The following CNTNAP2 variants were observed in gnomAD, a reference collection of about 807,000 sequenced individuals.
CNTNAP2 encodes the protein contactin associated protein 2.
A neutral mutation model predicts 155.2 loss-of-function variants in CNTNAP2; 98 were observed. The ratio of observed to expected loss-of-function variants is 0.63; its 90% confidence interval spans 0.54 to 0.75. The LOEUF (loss-of-function observed/expected upper bound fraction) is 0.75, where lower values mean the gene tolerates loss of function less well. CNTNAP2 is among the 30% of genes least tolerant of loss of function. The pLI, the probability that CNTNAP2 is intolerant of heterozygous loss-of-function variation, is 0.00. For missense variants in CNTNAP2, 1,727 were observed against 1,688.1 expected (o/e 1.02, Z -0.40); for synonymous variants, 651 against 631.2 (o/e 1.03, Z -0.47).
chr7:147,580,292 A>G (rs1397622576), intron 12 of CNTNAP2, among the ~76,000 whole-genome samples: 2 of 152,266 alleles, frequency 1.3e-5, no homozygotes, highest in East Asian at 3.9e-4. Context: ...TCTCTGTGCA[A>G]CCCTGCCGTC....
intron 3 of CNTNAP2, among the ~76,000 whole-genome samples, chr7:147,006,772 C>T (rs1360014311): frequency 1.3e-5 from 2 of 152,060 alleles, no homozygotes; most frequent in East Asian, 3.9e-4. Context: ...TGTCATTTTA[C>T]TATGTTTCCT....
At chr7:147,612,126 G>A (rs184691552) in intron 12 of CNTNAP2, among the ~76,000 whole-genome samples, 1 of 152,130 alleles carries the variant, frequency 6.6e-6, no homozygotes, top group East Asian at 1.9e-4. Flanking sequence ...TTGCCTGAAT[G>A]TTTTCTAAAC....
intron 13 of CNTNAP2, among the ~76,000 whole-genome samples, chr7:147,687,457 T>G (rs1796029727): frequency 6.6e-6 from 1 of 152,042 alleles, no homozygotes; most frequent in Admixed American, 6.6e-5. Context: ...TGAGAAAGTG[T>G]AGAAGCTTAA....
At chr7:147,791,070 T>C (rs28397826) in intron 13 of CNTNAP2, among the ~76,000 whole-genome samples, 14,454 of 152,268 alleles carry the variant, frequency 0.095, 813 homozygotes, top group East Asian at 0.2. Context: ...TCATCTGTTA[T>C]TTCTAGTTGC....
chr7:147,255,338 C>T (rs937577869), intron 8 of CNTNAP2, among the ~76,000 whole-genome samples: 1 of 152,160 alleles, frequency 6.6e-6, no homozygotes. Context: ...CTTCCCACCT[C>T]AGCCTCCCAA....
At chr7:148,122,711 G>A (rs922758798) in intron 16 of CNTNAP2, among the ~76,000 whole-genome samples, 1 of 152,112 alleles carries the variant, frequency 6.6e-6, no homozygotes, top group African/African-American at 2.4e-5. Context: ...AGCCATGGGA[G>A]CCTCTGTTAA....
chr7:147,922,216 G>T (rs199793905), intron 14 of CNTNAP2, among the ~76,000 whole-genome samples: 1 of 152,184 alleles, frequency 6.6e-6, no homozygotes, highest in Non-Finnish European at 1.5e-5. Flanking sequence ...TTTAGAGAAA[G>T]AAAAATCACA....
intron 10 of CNTNAP2, among the ~76,000 whole-genome samples, chr7:147,428,900 C>A (rs115504378): frequency 2.5e-3 from 375 of 152,074 alleles, no homozygotes; most frequent in African/African-American, 8.6e-3. Flanking sequence ...ACAGTACACC[C>A]AGTGTGTAGT....
intron 9 of CNTNAP2, among the ~76,000 whole-genome samples, chr7:147,311,722 C>G (rs974448164): frequency 2.0e-5 from 3 of 151,868 alleles, no homozygotes; most frequent in African/African-American, 4.8e-5. Flanking sequence ...TTTTCCCCAA[C>G]AAAGTTGATA....
chr7:147,914,873 A>G (rs1266457450), intron 14 of CNTNAP2, among the ~76,000 whole-genome samples: 1 of 152,156 alleles, frequency 6.6e-6, no homozygotes, highest in African/African-American at 2.4e-5. Flanking sequence ...TAATGTGTAT[A>G]ATCCATAACC....
At chr7:148,011,424 C>A (rs1802079051) in intron 15 of CNTNAP2, among the ~76,000 whole-genome samples, 1 of 152,118 alleles carries the variant, frequency 6.6e-6, no homozygotes, top group Admixed American at 6.6e-5. Flanking sequence ...GTTTTCATTT[C>A]TTTTGGTCTG....
intron 8 of CNTNAP2, among the ~76,000 whole-genome samples, chr7:147,137,954 C>A (rs1801521518): frequency 6.6e-6 from 1 of 151,618 alleles, no homozygotes; most frequent in African/African-American, 2.4e-5. Flanking sequence ...AAAACTATTG[C>A]TAGCTATCAG....
chr7:146,338,728 T>C (rs928369782), intron 1 of CNTNAP2, among the ~76,000 whole-genome samples: 2 of 152,162 alleles, frequency 1.3e-5, no homozygotes, highest in African/African-American at 4.8e-5. Context: ...TAAACAGAAC[T>C]TCTTTTTTTT....
chr7:146,845,520 T>C (rs762561936), intron 3 of CNTNAP2, among the ~76,000 whole-genome samples: 4 of 152,222 alleles, frequency 2.6e-5, no homozygotes, highest in African/African-American at 4.8e-5. Flanking sequence ...GTGTCATCAA[T>C]TCCCAATTTT....
At chr7:146,528,092 C>T (rs766495418) in intron 1 of CNTNAP2, among the ~76,000 whole-genome samples, 19 of 152,132 alleles carry the variant, frequency 1.2e-4, no homozygotes, top group Non-Finnish European at 1.5e-4. Context: ...ATTAAAAACT[C>T]TCTTAGGGCA....
intron 12 of CNTNAP2, among the ~76,000 whole-genome samples, chr7:147,593,948 T>C (rs1800783099): frequency 6.6e-6 from 1 of 152,162 alleles, no homozygotes; most frequent in Non-Finnish European, 1.5e-5. Context: ...CATTTATTCC[T>C]GAAAACAGCT....
At chr7:147,556,242 A>G (rs1181711745) in intron 11 of CNTNAP2, among the ~76,000 whole-genome samples, 2 of 148,188 alleles carry the variant, frequency 1.3e-5, no homozygotes, top group Non-Finnish European at 3.0e-5. Flanking sequence ...CTGGAAGCAC[A>G]TTAGTTGCTT....
At chr7:146,423,824 G>T (rs1299990930) in intron 1 of CNTNAP2, among the ~76,000 whole-genome samples, 1 of 151,830 alleles carries the variant, frequency 6.6e-6, no homozygotes, top group East Asian at 1.9e-4. Flanking sequence ...TTAATTTTCA[G>T]GAAAAATTAT....
chr7:147,028,283 T>C (rs1226250083), intron 3 of CNTNAP2, among the ~76,000 whole-genome samples: 1 of 152,208 alleles, frequency 6.6e-6, no homozygotes, highest in African/African-American at 2.4e-5. Flanking sequence ...TGAGCTTCTA[T>C]CCTTGAAAGT....
Sources: allele counts gnomAD v4.1 joint callset (sites outside exome capture counted in the v4.1 genomes callset), GRCh38; gene constraint gnomAD v4.1.1; transcripts MANE v1.5; gene names NCBI Gene and HGNC (gene_info 2026-07-23, HGNC 2026-07-21).